The following ADAM22 variants were observed in gnomAD, a reference collection of about 807,000 sequenced individuals.
The protein encoded by ADAM22 is ADAM metallopeptidase domain 22.
ADAM22 carries 65 observed loss-of-function variants against 144.6 expected under a neutral mutation model. The observed-to-expected ratio is 0.45, with a 90% CI of 0.37 to 0.55. The LOEUF (loss-of-function observed/expected upper bound fraction) is 0.55. Among genes scored for constraint, ADAM22 ranks in the 20% least tolerant of loss-of-function variants. The pLI is 0.00. For synonymous variants in ADAM22, 391 were observed against 412.6 expected (o/e 0.95, Z 0.63); for missense variants, 974 against 1,184.9 (o/e 0.82, Z 2.61).
intron 3 of ADAM22, among the ~76,000 whole-genome samples, chr7:88,014,993 C>T (rs752982652): frequency 9.2e-5 from 14 of 152,160 alleles, no homozygotes; most frequent in South Asian, 2.1e-4. Context: ...AGAGCCATGA[C>T]GCCGTATGCT....
At chr7:88,132,975 A>G in intron 12 of ADAM22, 24 bp downstream of exon 12, 2 of 1,602,464 alleles carry the variant, frequency 1.2e-6, no homozygotes, top group Admixed American at 3.3e-5. Context: ...TCTGTACAAT[A>G]CAAAGTGGTA....
intron 3 of ADAM22, among the ~76,000 whole-genome samples, chr7:88,030,439 A>T (rs1258310247): frequency 6.6e-6 from 1 of 152,184 alleles, no homozygotes; most frequent in East Asian, 1.9e-4. Context: ...AATCTGTCTG[A>T]AAAGTCACAT....
At chr7:88,191,938 A>G (rs1005044557) in intron 30 of ADAM22, among the ~76,000 whole-genome samples, 1 of 152,234 alleles carries the variant, frequency 6.6e-6, no homozygotes, top group Non-Finnish European at 1.5e-5. Context: ...AGTGTCCATA[A>G]AATGGAAATT....
intron 3 of ADAM22, among the ~76,000 whole-genome samples, chr7:87,989,287 A>G (rs1201516188): frequency 6.6e-6 from 1 of 152,212 alleles, no homozygotes; most frequent in Non-Finnish European, 1.5e-5. Flanking sequence ...GAAAGTTTAA[A>G]GAGTTGATTT....
chr7:88,038,767 A>T (rs1435110095), intron 3 of ADAM22, among the ~76,000 whole-genome samples: 3 of 149,418 alleles, frequency 2.0e-5, no homozygotes, highest in African/African-American at 7.4e-5. Context: ...TGAATAATAG[A>T]TATTTCTTCT....
Position 88,057,419 on chromosome 7 carries a change from CTG to C in ADAM22, c.324-18205_324-18204del, listed in dbSNP as rs559715554. On this transcript the variant is annotated intron_variant, in intron 3 of 31. Transcript: ENST00000413139. ...AAAATATGGTTAGGAATTAAGGAAA[CTG>C]TTTTTTCTTGTATGTCACATACATT... Among the ~76,000 whole-genome samples, 53 of 152,302 alleles carry C rather than the reference CTG, an allele frequency of 3.5e-4. No individual in the cohort carries two copies. The East Asian group carries it at 7.1e-3, about 21-fold the overall frequency.
chr7:87,958,391 TA>T (rs765213501), intron 2 of ADAM22, among the ~76,000 whole-genome samples: 4 of 151,982 alleles, frequency 2.6e-5, no homozygotes, highest in Non-Finnish European at 4.4e-5. Flanking sequence ...TTTTATTTTT[TA>T]TTTTTTTTTT....
intron 4 of ADAM22, among the ~76,000 whole-genome samples, chr7:88,101,102 C>G (rs1195013249): frequency 1.3e-5 from 2 of 151,728 alleles, no homozygotes; most frequent in African/African-American, 4.8e-5. Context: ...TTGGAATCAT[C>G]TGGGCAGATT....
intron 4 of ADAM22, among the ~76,000 whole-genome samples, chr7:88,092,916 G>C (rs142999523): frequency 6.6e-6 from 1 of 151,802 alleles, no homozygotes; most frequent in East Asian, 2.0e-4. Flanking sequence ...TAACCTATTT[G>C]AGTAGAAAGT....
intron 2 of ADAM22, among the ~76,000 whole-genome samples, chr7:87,972,814 A>G (rs1850800649): frequency 6.6e-6 from 1 of 152,206 alleles, no homozygotes; most frequent in Non-Finnish European, 1.5e-5. Flanking sequence ...CTGATCTTTG[A>G]CAAACCTGAG....
Position 88,128,624 on chromosome 7 carries a change from T to G in ADAM22, c.701T>G (p.Val234Gly). 6.2e-7 allele frequency: 1 copy of G among 1,612,022 alleles called. No individual in the cohort carries two copies. Among genetic ancestry groups the G allele is most frequent in the Non-Finnish European group, 8.5e-7 (1 of 1,178,362 alleles). Residue 234 changes from valine (V) to glycine (G), a missense_variant, in exon 9 of 32, where the codon GTA (valine) becomes GGA (glycine). Val to Gly is a moderately radical substitution (Grantham distance 109). Transcript: ENST00000413139. ...KRQLRRYPRNVEEETKYIELM... is the reference protein window; with the variant it reads ...KRQLRRYPRNGEEETKYIELM... ...CAGCTTCGTCGATATCCTCGTAATG[T>G]AGAAGAAGAAACCAAATACATTGAA... is the stretch of plus-strand genomic sequence containing the variant.
chr7:88,192,620 T>C (rs1261930737), intron 30 of ADAM22, among the ~76,000 whole-genome samples: 3 of 152,210 alleles, frequency 2.0e-5, no homozygotes, highest in African/African-American at 7.2e-5. Flanking sequence ...CACTGGCCTC[T>C]GAATGCATGA....
intron 2 of ADAM22, among the ~76,000 whole-genome samples, chr7:87,959,394 A>AT (rs1423018431): frequency 1.3e-5 from 2 of 152,158 alleles, no homozygotes; most frequent in African/African-American, 4.8e-5. Flanking sequence ...AGCTCCTATA[A>AT]TTATCATTTC....
chr7:88,065,122 T>C (rs1810899607), intron 3 of ADAM22, among the ~76,000 whole-genome samples: 1 of 152,150 alleles, frequency 6.6e-6, no homozygotes, highest in Admixed American at 6.5e-5. Context: ...CAAAACATTT[T>C]TAATGACCTA....
intron 3 of ADAM22, among the ~76,000 whole-genome samples, chr7:88,062,630 T>A (rs1161851251): frequency 6.6e-6 from 1 of 152,234 alleles, no homozygotes; most frequent in Non-Finnish European, 1.5e-5. Flanking sequence ...GAACTTTTCC[T>A]TTGCATTCAC....
intron 3 of ADAM22, 73 bp from the exon 4 acceptor site, chr7:88,075,553 A>G (rs1814177847): frequency 7.5e-7 from 1 of 1,332,016 alleles, no homozygotes; most frequent in South Asian, 1.2e-5. Flanking sequence ...AGATATGTGT[A>G]AACTAGATCC....
intron 2 of ADAM22, 49 bp from the exon 3 acceptor site, chr7:87,978,287 A>G (rs757654195): frequency 7.2e-7 from 1 of 1,383,822 alleles, no homozygotes; most frequent in Non-Finnish European, 1.0e-6. Context: ...TAATTGTCTG[A>G]TTAGTATGGC....
intron 2 of ADAM22, among the ~76,000 whole-genome samples, chr7:87,966,147 G>A (rs1848998694): frequency 1.3e-5 from 2 of 152,182 alleles, no homozygotes; most frequent in Admixed American, 1.3e-4. Flanking sequence ...CAAGCCAATA[G>A]TGGGGCTGGG....
chr7:87,937,101 A>G (rs546678635), intron 2 of ADAM22, among the ~76,000 whole-genome samples: 1 of 152,162 alleles, frequency 6.6e-6, no homozygotes, highest in Non-Finnish European at 1.5e-5. Flanking sequence ...GATTACAGGC[A>G]TGTGCCACCT....
Sources: allele counts gnomAD v4.1 joint callset (sites outside exome capture counted in the v4.1 genomes callset), GRCh38; gene constraint gnomAD v4.1.1; transcripts MANE v1.5; gene names NCBI Gene and HGNC (gene_info 2026-07-23, HGNC 2026-07-21).